Variants in STK32B observed in about 807,000 individuals in gnomAD.
STK32B encodes serine/threonine kinase 32B, also known as serine/threonine-protein kinase 32B.
STK32B carries 43 observed loss-of-function variants against 52.6 expected under a neutral mutation model. The ratio of observed to expected loss-of-function variants is 0.82; its 90% CI spans 0.64 to 1.05. The LOEUF (loss-of-function observed/expected upper bound fraction) is 1.05. STK32B is among the 50% of genes least tolerant of loss of function. The pLI, the probability that STK32B is intolerant of heterozygous loss-of-function variation, is 0.00. For missense variants in STK32B, 621 were observed against 534.6 expected (o/e 1.16, Z -1.59); for synonymous variants, 238 against 204.3 (o/e 1.17, Z -1.41).
chr4:5,175,522 T>A (rs2108746425), intron 3 of STK32B, among the ~76,000 whole-genome samples: 1 of 152,348 alleles, frequency 6.6e-6, no homozygotes, highest in African/African-American at 2.4e-5. Context: ...CTTCTAACAG[T>A]CAGGACCCTC....
At chr4:5,476,878 G>C (rs1028192617) in intron 11 of STK32B, among the ~76,000 whole-genome samples, 1 of 151,534 alleles carries the variant, frequency 6.6e-6, no homozygotes, top group Non-Finnish European at 1.5e-5. Flanking sequence ...AGACAGAAGA[G>C]AGGCTGCCAC....
At chr4:5,423,128 A>C (rs781403062) in intron 6 of STK32B, among the ~76,000 whole-genome samples, 1 of 152,104 alleles carries the variant, frequency 6.6e-6, no homozygotes, top group Admixed American at 6.5e-5. Flanking sequence ...GACCACTATG[A>C]TCAGACTCAT....
rs113282326 is a variant in STK32B at position 5,438,015 on chromosome 4, G to C, written c.563-8658G>C. The C allele has an allele frequency of 6.0e-3, 5,913 of 985,480 alleles. 248 individuals carry two copies. In the African/African-American group the frequency reaches 0.092, roughly 15 times the overall value. 61.0% of individuals were successfully genotyped at this position (985,480 alleles called of 1,614,324 possible). ...TTGTCTGATCATGACAGCCAGGACAGGATCACTCTGCTGCTGCTTCTACCC... is the reference window on the plus strand; with the variant it reads ...TTGTCTGATCATGACAGCCAGGACACGATCACTCTGCTGCTGCTTCTACCC... On this transcript the variant is annotated intron_variant, in intron 6 of 11. Coordinates refer to ENST00000282908, the MANE Select transcript of STK32B (RefSeq NM_018401.3).
intron 3 of STK32B, among the ~76,000 whole-genome samples, chr4:5,174,705 C>T (rs1429111882): frequency 6.6e-6 from 1 of 152,118 alleles, no homozygotes; most frequent in African/African-American, 2.4e-5. Flanking sequence ...TTGTGGGTAA[C>T]CCGACCTTTC....
the STK32B span, among the ~76,000 whole-genome samples, chr4:5,025,482 T>G: frequency 6.6e-6 from 1 of 152,216 alleles, no homozygotes. Flanking sequence ...TCAGCTCAGC[T>G]GAGCTCCTAA....
chr4:5,167,185 C>T (rs1718944468), intron 2 of STK32B, among the ~76,000 whole-genome samples: 2 of 152,186 alleles, frequency 1.3e-5, no homozygotes, highest in South Asian at 2.1e-4. Flanking sequence ...AGCTCCCATC[C>T]TCCCACCTTG....
At chr4:5,083,000 G>A (rs756954420) in intron 1 of STK32B, among the ~76,000 whole-genome samples, 3 of 152,024 alleles carry the variant, frequency 2.0e-5, no homozygotes, top group Middle Eastern at 3.2e-3. Flanking sequence ...TACAATAAAC[G>A]AACACTTTAT....
chr4:5,480,655 A>G (rs1381950934), intron 11 of STK32B, among the ~76,000 whole-genome samples: 1 of 152,060 alleles, frequency 6.6e-6, no homozygotes, highest in Non-Finnish European at 1.5e-5. Flanking sequence ...ATTTGTGTAC[A>G]TGTGCCATGT....
intron 2 of STK32B, among the ~76,000 whole-genome samples, chr4:5,155,091 C>T (rs769004208): frequency 3.9e-5 from 6 of 152,130 alleles, no homozygotes; most frequent in Non-Finnish European, 5.9e-5. Flanking sequence ...TTATTTCTAC[C>T]TCAGAACCTT....
At chr4:5,131,957 A>G (rs938249513) in intron 1 of STK32B, among the ~76,000 whole-genome samples, 1 of 148,580 alleles carries the variant, frequency 6.7e-6, no homozygotes, top group Non-Finnish European at 1.5e-5. Flanking sequence ...AGGATTTGAG[A>G]TGGGGGAGAG....
chr4:5,366,034 C>G, intron 4 of STK32B, among the ~76,000 whole-genome samples: 1 of 151,806 alleles, frequency 6.6e-6, no homozygotes, highest in East Asian at 2.1e-4. Context: ...GTATTTATTT[C>G]TGTAGGATGC....
chr4:5,400,272 C>A lies in STK32B; in HGVS notation c.472+2028C>A, dbSNP rs1374438390. ...CCTCCCCTAGGTTTTCTCTTTCCTG[C>A]CTTTTGGATTTCCATCCATCCCATT... On this transcript the variant is annotated intron_variant, in intron 5 of 11. Coordinates refer to ENST00000282908, the MANE Select transcript of STK32B (RefSeq NM_018401.3). The surrounding 1 kb of genome is among the most constrained non-coding windows in gnomAD (Gnocchi z 6.1). 6.6e-6 allele frequency among the ~76,000 whole-genome samples: 1 copy of A among 152,172 alleles called. No homozygotes were observed. The highest frequency in any genetic ancestry group is 2.4e-5 in the African/African-American group (1 of 41,450).
intron 3 of STK32B, among the ~76,000 whole-genome samples, chr4:5,201,633 G>A (rs1485059188): frequency 6.6e-6 from 1 of 152,200 alleles, no homozygotes; most frequent in African/African-American, 2.4e-5. Context: ...AAGGAAAGAA[G>A]TTTAATTGAC....
At chr4:5,321,061 T>C (rs1459721217) in intron 3 of STK32B, among the ~76,000 whole-genome samples, 1 of 152,088 alleles carries the variant, frequency 6.6e-6, no homozygotes, top group Non-Finnish European at 1.5e-5. Flanking sequence ...CAAAAGGGCT[T>C]TGAAGATGTG....
intron 1 of STK32B, among the ~76,000 whole-genome samples, chr4:5,103,051 C>T (rs1469120355): frequency 1.3e-5 from 2 of 150,950 alleles, no homozygotes; most frequent in South Asian, 2.1e-4. Context: ...AAATGTACCA[C>T]TCCAAATGTC....
chr4:5,340,362 C>A (rs964940014), intron 4 of STK32B, among the ~76,000 whole-genome samples: 2 of 152,114 alleles, frequency 1.3e-5, no homozygotes, highest in Non-Finnish European at 2.9e-5. Context: ...CACAGTCGGT[C>A]TGTGATTTGT....
At chr4:5,105,709 G>A (rs934642567) in intron 1 of STK32B, among the ~76,000 whole-genome samples, 3 of 151,712 alleles carry the variant, frequency 2.0e-5, no homozygotes, top group Non-Finnish European at 2.9e-5. Context: ...GACCACAGGC[G>A]CCCGCCACCA....
At chr4:5,441,892 G>T (rs1180992277) in intron 6 of STK32B, among the ~76,000 whole-genome samples, 3 of 134,178 alleles carry the variant, frequency 2.2e-5, no homozygotes, top group Non-Finnish European at 3.1e-5. Flanking sequence ...AGGTTGTTCA[G>T]TTTCCATGTA....
chr4:5,152,629 AT>A (rs1403737204), intron 2 of STK32B, among the ~76,000 whole-genome samples: 1 of 152,246 alleles, frequency 6.6e-6, no homozygotes, highest in East Asian at 1.9e-4. Context: ...GTGGCTGTAG[AT>A]GAAAAGCTAA....
Sources: gnomAD v4.1 joint callset for allele counts (sites outside exome capture counted in the v4.1 genomes callset) on GRCh38, gnomAD v4.1.1 for gene constraint, Gnocchi (gnomAD v3.1) non-coding constraint, MANE v1.5 for transcripts, NCBI Gene and HGNC (gene_info 2026-07-23, HGNC 2026-07-21) for gene names.